Variants in ARHGEF18 observed in about 807,000 individuals in gnomAD.
ARHGEF18 encodes rho guanine nucleotide exchange factor 18.
A neutral mutation model predicts 155.7 loss-of-function variants in ARHGEF18; 93 were observed. That is an observed-to-expected ratio of 0.60 (90% CI 0.50 to 0.71). The LOEUF is 0.71. ARHGEF18 is among the 30% of genes least tolerant of loss of function. The pLI, the probability that ARHGEF18 is intolerant of heterozygous loss-of-function variation, is 0.00. For missense variants in ARHGEF18, 1,593 were observed against 1,816.1 expected (o/e 0.88, Z 2.23); for synonymous variants, 742 against 753.1 (o/e 0.99, Z 0.24).
At chr19:7,434,776 G>A (rs192669382) in intron 10 of ARHGEF18, among the ~76,000 whole-genome samples, 4 of 152,250 alleles carry the variant, frequency 2.6e-5, no homozygotes, top group African/African-American at 7.2e-5. Context: ...GTCCATCACA[G>A]GTGTGAGTTT....
Position 7,439,907 on chromosome 19 carries a change from A to G in ARHGEF18, c.968-437A>G, listed in dbSNP as rs926804837. ...TTGTTTTTTTTTTCTGTTTTATTCT[A>G]TCAAAGCAGCAAATACTGCAATTTC... is the stretch of plus-strand genomic sequence containing the variant. On this transcript the variant is annotated intron_variant, in intron 10 of 28. Transcript: ENST00000668164. The G allele has an allele frequency of 8.2e-6, 12 of 1,462,286 alleles. No individual in the cohort carries two copies. The East Asian group carries it at 1.0e-4, about 12-fold the overall frequency. 90.6% of individuals were successfully genotyped at this position (1,462,286 alleles called of 1,614,324 possible).
Position 7,447,086 on chromosome 19 carries a change from T to C in ARHGEF18, c.1655T>C (p.Val552Ala), listed in dbSNP as rs750666574. 3 of 1,613,774 alleles carry C rather than the reference T, an allele frequency of 1.9e-6. No homozygotes were observed. Among genetic ancestry groups the C allele is most frequent in the Admixed American group, 3.3e-5 (2 of 59,972 alleles). The change falls in exon 15 of 29, where the codon GTG (valine) becomes GCG (alanine). Residue 552 changes from valine (V) to alanine (A), a missense_variant. Coordinates refer to ENST00000668164, the MANE Select transcript of ARHGEF18 (RefSeq NM_001367823.1). The part of the protein sequence containing the change: ...NGERMKEKYG[V>A]FCSGHNEAVS... ...GAGAGAATGAAAGAAAAGTACGGTG[T>C]GTTTTGTAGTGGCCACAATGAAGCT...
intron 13 of ARHGEF18, among the ~76,000 whole-genome samples, chr19:7,443,731 A>G (rs923819855): frequency 3.3e-5 from 5 of 151,762 alleles, no homozygotes; most frequent in African/African-American, 9.7e-5. Context: ...TCCTCAGAAC[A>G]CTCTTCTTCC....
chr19:7,393,068 AAAAAG>A (rs1971496252), intron 10 of ARHGEF18, among the ~76,000 whole-genome samples: 1 of 151,510 alleles, frequency 6.6e-6, no homozygotes, highest in African/African-American at 2.4e-5. Context: ...AAAAAAAAAA[AAAAAG>A]GAAAAAAAAT....
At chr19:7,351,473 G>A (rs191841423) in intron 1 of ARHGEF18, among the ~76,000 whole-genome samples, 48 of 150,204 alleles carry the variant, frequency 3.2e-4, no homozygotes, top group African/African-American at 1.0e-3. Flanking sequence ...ACAGGCGCCC[G>A]CCACCATGCC....
chr19:7,373,849 A>ATT (rs57703407), intron 3 of ARHGEF18, among the ~76,000 whole-genome samples: 1,804 of 122,022 alleles, frequency 0.015, 74 homozygotes, highest in African/African-American at 0.055. Flanking sequence ...TCCTATGAGA[A>ATT]TTTTTTTTTT....
chr19:7,366,877 C>T (rs1239147172), intron 2 of ARHGEF18, among the ~76,000 whole-genome samples: 1 of 152,014 alleles, frequency 6.6e-6, no homozygotes, highest in Non-Finnish European at 1.5e-5. Flanking sequence ...ACCCTCCCAC[C>T]TCAGTTTCCA....
intron 3 of ARHGEF18, among the ~76,000 whole-genome samples, chr19:7,374,998 G>A (rs892414327): frequency 1.3e-5 from 2 of 152,166 alleles, no homozygotes; most frequent in Non-Finnish European, 2.9e-5. Flanking sequence ...CAGGCCGGGT[G>A]CAGTGGCTCA....
chr19:7,362,455 G>T (rs2145349485), intron 1 of ARHGEF18, among the ~76,000 whole-genome samples: 1 of 152,254 alleles, frequency 6.6e-6, no homozygotes, highest in South Asian at 2.1e-4. Context: ...ATAACAAATT[G>T]ATTTCATACA....
At position 7,395,748 on chromosome 19, in the gene ARHGEF18, A is replaced by G. The variant is rs1228667902; in HGVS notation, c.967+12545A>G. Among the ~76,000 whole-genome samples the G allele has an allele frequency of 6.6e-6, 1 of 152,214 alleles. No homozygotes were observed. Among genetic ancestry groups the G allele is most frequent in the Non-Finnish European group, 1.5e-5 (1 of 68,024 alleles). ...GAGAACTATCTGTGCCATGGGTTTT[A>G]GTTTCTTGTATAAGAACTCAGTTGG... On this transcript the variant is annotated intron_variant, in intron 10 of 28. Transcript: ENST00000668164. This position sits in a 1 kb window ranked among gnomAD's most constrained non-coding sequence, Gnocchi z 5.0.
intron 10 of ARHGEF18, among the ~76,000 whole-genome samples, chr19:7,407,064 CAAAAAA>C (rs3997572): frequency 1.8e-5 from 1 of 55,752 alleles, no homozygotes; most frequent in African/African-American, 5.7e-5. Flanking sequence ...GACTCCGTCT[CAAAAAA>C]AAAAAAAAAA....
At chr19:7,439,884 G>C in intron 10 of ARHGEF18, 1 of 1,223,196 alleles carries the variant, frequency 8.2e-7, no homozygotes. Context: ...TGGAGGGGTT[G>C]TTTTTTTTTT....
At chr19:7,437,895 G>A (rs999342281) in intron 10 of ARHGEF18, among the ~76,000 whole-genome samples, 17 of 151,654 alleles carry the variant, frequency 1.1e-4, no homozygotes, top group African/African-American at 2.9e-4. Flanking sequence ...CACCCGCGTC[G>A]GCCTTCCAAA....
downstream of ARHGEF18, among the ~76,000 whole-genome samples, chr19:7,475,985 GTGACCC>G (rs1219625143): frequency 2.6e-5 from 4 of 152,200 alleles, no homozygotes; most frequent in African/African-American, 7.2e-5. Context: ...CCGCACCCGT[GTGACCC>G]TGAGCAGTCC....
intron 2 of ARHGEF18, among the ~76,000 whole-genome samples, chr19:7,370,578 C>T (rs1025045849): frequency 6.6e-6 from 1 of 152,138 alleles, no homozygotes; most frequent in Admixed American, 6.6e-5. Context: ...TTCTGGGTAT[C>T]TTCCCAGAAG....
chr19:7,439,651 T>C, intron 10 of ARHGEF18: 1 of 1,155,392 alleles, frequency 8.7e-7, no homozygotes, highest in Non-Finnish European at 1.1e-6. Flanking sequence ...ACTTCGATGC[T>C]AGAATTCTGT....
intron 3 of ARHGEF18, among the ~76,000 whole-genome samples, chr19:7,375,344 AAAAG>A (rs142834173): frequency 0.2 from 28,080 of 138,324 alleles, 3,503 homozygotes; most frequent in Non-Finnish European, 0.27. Flanking sequence ...GGAAGAAAGA[AAAAG>A]AAAGAAAAGG....
chr19:7,477,601 C>T, the ARHGEF18 span, among the ~76,000 whole-genome samples: 1 of 152,290 alleles, frequency 6.6e-6, no homozygotes, highest in South Asian at 2.1e-4. Flanking sequence ...GACTGAGTCC[C>T]CATCACCCCC....
intron 10 of ARHGEF18, among the ~76,000 whole-genome samples, chr19:7,385,935 T>G (rs867281565): frequency 2.8e-5 from 2 of 70,342 alleles, no homozygotes; most frequent in Non-Finnish European, 5.1e-5. Context: ...TCTCTCTCTC[T>G]CCCCCTCTCC....
Sources: allele counts gnomAD v4.1 joint callset (sites outside exome capture counted in the v4.1 genomes callset), GRCh38; gene constraint gnomAD v4.1.1; non-coding constraint Gnocchi (gnomAD v3.1); transcripts MANE v1.5; gene names NCBI Gene and HGNC (gene_info 2026-07-23, HGNC 2026-07-21).